YIPF1: variants seen among roughly 807,000 people sequenced by gnomAD.
YIPF1 encodes protein YIPF1.
A neutral mutation model predicts 37.0 loss-of-function variants in YIPF1; 22 were observed. That is an observed-to-expected ratio of 0.59 (90% CI 0.42 to 0.85). The LOEUF (loss-of-function observed/expected upper bound fraction) is 0.85, where lower values mean the gene tolerates loss of function less well. YIPF1 is among the 40% of genes least tolerant of loss of function. The pLI, the probability that YIPF1 is intolerant of heterozygous loss-of-function variation, is 0.00. For missense variants in YIPF1, 355 were observed against 373.1 expected, an observed-to-expected ratio of 0.95 and a Z score of 0.40; for synonymous variants, 128 against 131.9, an observed-to-expected ratio of 0.97 and a Z score of 0.21.
chr1:53,867,681 CA>C (rs1344329016), intron 7 of YIPF1, among the ~76,000 whole-genome samples: 2 of 152,202 alleles, frequency 1.3e-5, no homozygotes, highest in Non-Finnish European at 2.9e-5. Context: ...ACTTCTTTAG[CA>C]AATGTATTAA....
In YIPF1 at chr1:53,866,385, G is replaced by GAGA; in HGVS notation, c.649-4_649-3insTCT. 2.5e-6 allele frequency: 4 copies of GAGA among 1,612,784 alleles called. No homozygotes were observed. The highest frequency in any genetic ancestry group is 3.4e-6 in the Non-Finnish European group (4 of 1,179,160). On this transcript the variant is annotated splice_polypyrimidine_tract_variant and splice_region_variant and intron_variant, in intron 8 of 10. Transcript: ENST00000072644. ...TTCTGGGGGATAATCCACAGTATCT[G>GAGA]AAAGAAGAGAAAAGGAGGAGCGGGG...
intron 6 of YIPF1, among the ~76,000 whole-genome samples, chr1:53,878,045 G>T (rs10788965): frequency 0.44 from 66,995 of 152,052 alleles, 15,775 homozygotes; most frequent in African/African-American, 0.61. Context: ...GCCTTCCAAA[G>T]TGCTGGGATT....
intron 8 of YIPF1, 125 bp from the exon 9 acceptor site, chr1:53,866,507 A>G: frequency 9.0e-7 from 1 of 1,108,076 alleles, no homozygotes; most frequent in Non-Finnish European, 1.3e-6. Flanking sequence ...CTGGTTTTTC[A>G]GTACAGGCTG....
intron 4 of YIPF1, among the ~76,000 whole-genome samples, chr1:53,879,867 AC>A (rs1650442853): frequency 1.3e-5 from 2 of 152,154 alleles, no homozygotes; most frequent in African/African-American, 4.8e-5. Context: ...AAGTAGCTCG[AC>A]CCACGGAGAA....
chr1:53,867,035 G>A (rs1650048864), intron 7 of YIPF1, 111 bp from the exon 8 acceptor site: 2 of 1,291,788 alleles, frequency 1.5e-6, no homozygotes, highest in Admixed American at 2.8e-5. Context: ...TGACTTCAGT[G>A]GACCACGGAA....
chr1:53,882,686 T>C (rs1055020370), intron 4 of YIPF1, among the ~76,000 whole-genome samples: 2 of 152,226 alleles, frequency 1.3e-5, no homozygotes, highest in African/African-American at 4.8e-5. Flanking sequence ...CTCGAACTCC[T>C]GGGCTCAAGT....
Position 53,858,474 on chromosome 1 carries a change from C to A in YIPF1, c.*8+1582G>T, listed in dbSNP as rs78223022. Among the ~76,000 whole-genome samples the A allele has an allele frequency of 8.7e-3, 1,320 of 152,250 alleles. 11 individuals are homozygous for A. Among genetic ancestry groups the A allele is most frequent in the African/African-American group, 0.031 (1,278 of 41,530 alleles). ...GTAGCTTTGATTTTATTGCTGAGCACCTTAACTATGTGCCAGGAGCTTTTA... is the reference window on the plus strand; with the variant it reads ...GTAGCTTTGATTTTATTGCTGAGCAACTTAACTATGTGCCAGGAGCTTTTA... On this transcript the variant is annotated intron_variant, in intron 10 of 10. Transcript: ENST00000072644.
At chr1:53,875,185 C>T (rs1650302285) in intron 6 of YIPF1, among the ~76,000 whole-genome samples, 1 of 152,168 alleles carries the variant, frequency 6.6e-6, no homozygotes, top group South Asian at 2.1e-4. Context: ...TCCTTGGCCA[C>T]ACTTAATATC....
chr1:53,856,208 C>A (rs570238478), intron 10 of YIPF1, among the ~76,000 whole-genome samples: 6 of 152,336 alleles, frequency 3.9e-5, no homozygotes, highest in Non-Finnish European at 8.8e-5. Context: ...GTTCATAGAT[C>A]TGAGCAAAGC....
At chr1:53,866,472 C>A in intron 8 of YIPF1, 90 bp from the exon 9 acceptor site, 1 of 1,403,038 alleles carries the variant, frequency 7.1e-7, no homozygotes, top group Non-Finnish European at 9.7e-7. Flanking sequence ...CTGAGCCAAT[C>A]AGCAGCTGGG....
intron 9 of YIPF1, among the ~76,000 whole-genome samples, chr1:53,861,941 G>A (rs1282720583): frequency 1.3e-5 from 2 of 152,212 alleles, no homozygotes; most frequent in African/African-American, 4.8e-5. Context: ...TTCAGCCCAG[G>A]AGGCAGAGGT....
chr1:53,856,874 T>C (rs1484245548), intron 10 of YIPF1, among the ~76,000 whole-genome samples: 1 of 152,194 alleles, frequency 6.6e-6, no homozygotes, highest in African/African-American at 2.4e-5. Context: ...CCTTGTGTAA[T>C]TGCCTCCCCT....
chr1:53,878,490 C>A, intron 5 of YIPF1, 88 bp from the exon 6 acceptor site: 1 of 1,503,100 alleles, frequency 6.7e-7, no homozygotes, highest in South Asian at 1.2e-5. Flanking sequence ...GTCATTAGAG[C>A]TTTTATGATA....
chr1:53,881,059 T>C (rs1224892633), intron 4 of YIPF1, among the ~76,000 whole-genome samples: 3 of 151,842 alleles, frequency 2.0e-5, no homozygotes, highest in Admixed American at 2.0e-4. Flanking sequence ...GGTAAGGAGT[T>C]CGAGACCAGC....
chr1:53,886,856 G>A (rs1289554202), intron 3 of YIPF1: 1 of 152,018 alleles, frequency 6.6e-6, no homozygotes, highest in Non-Finnish European at 1.5e-5. Context: ...TTTGAACAGA[G>A]CAAAGAAGCA....
chr1:53,856,098 A>G (rs2100716963), intron 10 of YIPF1, among the ~76,000 whole-genome samples: 1 of 152,340 alleles, frequency 6.6e-6, no homozygotes, highest in South Asian at 2.1e-4. Context: ...CCTCTCTATC[A>G]GCAAAGCAAT....
At chr1:53,883,050 T>C (rs576408879) in intron 4 of YIPF1, 63 bp downstream of exon 4, 12 of 1,501,424 alleles carry the variant, frequency 8.0e-6, no homozygotes, top group South Asian at 2.8e-5. Context: ...CAGTAGACAG[T>C]GAATAAGCAC....
At chr1:53,867,031 CAGTGG>C in intron 7 of YIPF1, 107 bp from the exon 8 acceptor site, 1 of 1,318,158 alleles carries the variant, frequency 7.6e-7, no homozygotes, top group South Asian at 1.5e-5. Context: ...CAATTGACTT[CAGTGG>C]ACCACGGAAT....
chr1:53,856,178 A>T (rs1649713342), intron 10 of YIPF1, among the ~76,000 whole-genome samples: 1 of 152,224 alleles, frequency 6.6e-6, no homozygotes, highest in South Asian at 2.1e-4. Context: ...TGACACCCAA[A>T]TGGAGGCTCT....
Sources: allele counts gnomAD v4.1 joint callset (sites outside exome capture counted in the v4.1 genomes callset), GRCh38; gene constraint gnomAD v4.1.1; transcripts MANE v1.5; gene names NCBI Gene and HGNC (gene_info 2026-07-23, HGNC 2026-07-21).